Variants in RBFOX1 observed in about 807,000 individuals in gnomAD.
RBFOX1 encodes RNA binding fox-1 homolog 1.
In RBFOX1, 8 loss-of-function variants were observed where a neutral mutation model predicts 57.7. That is an observed-to-expected ratio of 0.14 (90% CI 0.08 to 0.25). RBFOX1 has a LOEUF of 0.25. Ranked by LOEUF, RBFOX1 falls within the 10% of genes least tolerant of loss-of-function variation. The pLI is 1.00. For missense variants in RBFOX1, 611 were observed against 548.5 expected, an observed-to-expected ratio of 1.11 and a Z score of -1.14; for synonymous variants, 326 against 222.4, an observed-to-expected ratio of 1.47 and a Z score of -4.15.
intron 3 of RBFOX1, among the ~76,000 whole-genome samples, chr16:5,818,351 A>T (rs2055719919): frequency 6.6e-6 from 1 of 152,106 alleles, no homozygotes. Flanking sequence ...CTTGTATATC[A>T]TGGGGTTCTC....
Position 7,544,238 on chromosome 16 carries a change from A to T in RBFOX1, c.270+25849A>T, listed in dbSNP as rs538206283. Among the ~76,000 whole-genome samples the T allele has an allele frequency of 3.4e-4, 52 of 152,208 alleles. 1 individual carries two copies. Among genetic ancestry groups the T allele is most frequent in the Non-Finnish European group, 6.8e-4 (46 of 68,048 alleles). ...ACTTGATGGTGATGTCTTTAGGGAAATTATGACAAAGGAGAAGTGAACGTT... is the reference window on the plus strand; with the variant it reads ...ACTTGATGGTGATGTCTTTAGGGAATTTATGACAAAGGAGAAGTGAACGTT... On this transcript the variant is annotated intron_variant, in intron 5 of 15. Coordinates refer to ENST00000550418, the MANE Select transcript of RBFOX1 (RefSeq NM_018723.4).
chr16:6,934,456 C>T lies in RBFOX1; in HGVS notation c.-15-117601C>T, dbSNP rs181231614. Among the ~76,000 whole-genome samples, 8 of 152,162 alleles carry T rather than the reference C, an allele frequency of 5.3e-5. No individual in the cohort carries two copies. In the East Asian group the frequency reaches 1.5e-3, roughly 29 times the overall value. On this transcript the variant is annotated intron_variant, in intron 3 of 15. Coordinates refer to ENST00000550418, the MANE Select transcript of RBFOX1 (RefSeq NM_018723.4). ...TTATTGCAGCACTACTTAAAATAGC[C>T]AAGACATGGAATCAACCTAACTGTC...
At chr16:6,422,812 T>G (rs2093813380) in intron 2 of RBFOX1, among the ~76,000 whole-genome samples, 1 of 152,054 alleles carries the variant, frequency 6.6e-6, no homozygotes, top group Non-Finnish European at 1.5e-5. Flanking sequence ...AGGCCCCACC[T>G]CCAACATTGG....
intron 4 of RBFOX1, among the ~76,000 whole-genome samples, chr16:6,009,169 T>C (rs544721245): frequency 1.3e-5 from 2 of 152,124 alleles, no homozygotes; most frequent in East Asian, 3.9e-4. Flanking sequence ...GTTCACAACA[T>C]TCTTCAACAG....
chr16:5,961,121 A>T (rs575156433), intron 4 of RBFOX1, among the ~76,000 whole-genome samples: 1 of 152,296 alleles, frequency 6.6e-6, no homozygotes, highest in Non-Finnish European at 1.5e-5. Context: ...CTCTGGCAGA[A>T]ATATCCATTC....
chr16:6,831,840 A>AG (rs1387813337), intron 3 of RBFOX1, among the ~76,000 whole-genome samples: 2 of 152,220 alleles, frequency 1.3e-5, no homozygotes, highest in Non-Finnish European at 2.9e-5. Flanking sequence ...GATTATCTCC[A>AG]GCTGTGAATG....
chr16:6,970,267 G>C (rs1217269372), intron 3 of RBFOX1, among the ~76,000 whole-genome samples: 1 of 152,152 alleles, frequency 6.6e-6, no homozygotes, highest in East Asian at 1.9e-4. Flanking sequence ...TAAGAAGGCA[G>C]GGTACTTTCA....
intron 4 of RBFOX1, among the ~76,000 whole-genome samples, chr16:5,937,179 C>G (rs1229140545): frequency 6.6e-6 from 1 of 152,164 alleles, no homozygotes; most frequent in Non-Finnish European, 1.5e-5. Context: ...GAATTGTGTT[C>G]TCTGGTCTCC....
intron 3 of RBFOX1, among the ~76,000 whole-genome samples, chr16:5,718,589 G>C (rs1360221117): frequency 6.6e-6 from 1 of 152,202 alleles, no homozygotes; most frequent in Non-Finnish European, 1.5e-5. Flanking sequence ...ACTTAGATTT[G>C]ATGCTATTTA....
chr16:6,899,073 C>T (rs527247271), intron 3 of RBFOX1, among the ~76,000 whole-genome samples: 2 of 136,176 alleles, frequency 1.5e-5, no homozygotes, highest in Non-Finnish European at 3.1e-5. Context: ...ATGTATTACA[C>T]ACATGTACAC....
intron 4 of RBFOX1, among the ~76,000 whole-genome samples, chr16:5,983,035 C>T (rs868545433): frequency 6.6e-6 from 1 of 152,194 alleles, no homozygotes; most frequent in East Asian, 1.9e-4. Context: ...CAGACCGCCT[C>T]TAAGTCATCC....
At chr16:6,460,370 T>C (rs1381213841) in intron 2 of RBFOX1, among the ~76,000 whole-genome samples, 1 of 151,366 alleles carries the variant, frequency 6.6e-6, no homozygotes, top group African/African-American at 2.4e-5. Context: ...AGGTCTAATA[T>C]CCAGAATCTA....
At chr16:6,995,757 T>G (rs746012557) in intron 3 of RBFOX1, among the ~76,000 whole-genome samples, 2 of 152,026 alleles carry the variant, frequency 1.3e-5, no homozygotes, top group Admixed American at 6.6e-5. Flanking sequence ...TGAGACTCCA[T>G]CTTAAAAAAA....
intron 1 of RBFOX1, among the ~76,000 whole-genome samples, chr16:6,075,005 G>C (rs902281970): frequency 2.6e-5 from 4 of 152,146 alleles, no homozygotes; most frequent in African/African-American, 9.7e-5. Context: ...ATCTTTGTCA[G>C]TGCCCACCCT....
At chr16:6,283,981 T>C (rs2076646490) in intron 1 of RBFOX1, among the ~76,000 whole-genome samples, 1 of 152,208 alleles carries the variant, frequency 6.6e-6, no homozygotes, top group South Asian at 2.1e-4. Context: ...AAGTTCCTTT[T>C]TCGTGTTGAT....
intron 3 of RBFOX1, among the ~76,000 whole-genome samples, chr16:6,891,383 A>C (rs1336156869): frequency 6.6e-6 from 1 of 152,152 alleles, no homozygotes; most frequent in South Asian, 2.1e-4. Context: ...ATTTGGGTCT[A>C]CCCAGTTCTG....
chr16:7,403,151 A>G lies in RBFOX1; in HGVS notation c.28-114996A>G, dbSNP rs553789199. Among the ~76,000 whole-genome samples, 59 of 152,300 alleles carry G rather than the reference A, an allele frequency of 3.9e-4. No individual in the cohort carries two copies. In the South Asian group the frequency reaches 9.1e-3, roughly 24 times the overall value. On this transcript the variant is annotated intron_variant, in intron 4 of 15. Transcript: ENST00000550418. The stretch of plus-strand genomic sequence containing the variant: ...GTACATTTAAGGTATACCATTTGAT[A>G]TTTTGATATATGTATACATTATGCA...
chr16:7,019,291 T>C (rs1055741414), intron 3 of RBFOX1, among the ~76,000 whole-genome samples: 3 of 152,194 alleles, frequency 2.0e-5, no homozygotes, highest in East Asian at 1.9e-4. Context: ...ATTTGGAAAA[T>C]GCTGATGTTT....
rs376528925 is a variant in RBFOX1 at position 6,124,514 on chromosome 16, C to CT, written c.-127+104530dup. Among the ~76,000 whole-genome samples, 129 of 151,854 alleles carry CT rather than the reference C, an allele frequency of 8.5e-4. No homozygotes were observed. In the South Asian group the frequency reaches 9.0e-3, roughly 11 times the overall value. ...CCATTGTTGCCTAACTCAATTTTTT[C>CT]TTTTTTTTGAGACAGTCTCCCTCTG... On this transcript the variant is annotated intron_variant, in intron 1 of 15. Transcript: ENST00000550418.
Sources: allele counts gnomAD v4.1 joint callset (sites outside exome capture counted in the v4.1 genomes callset), GRCh38; gene constraint gnomAD v4.1.1; transcripts MANE v1.5; gene names NCBI Gene and HGNC (gene_info 2026-07-23, HGNC 2026-07-21).